The following CCDC18 variants were observed in gnomAD, a reference collection of about 807,000 sequenced individuals.
CCDC18 encodes coiled-coil domain containing 18, also known as coiled-coil domain-containing protein 18.
Under a neutral mutation model 196.0 loss-of-function variants are expected in CCDC18, and 157 were observed. The observed-to-expected ratio is 0.80, with a 90% CI of 0.70 to 0.91. The LOEUF (loss-of-function observed/expected upper bound fraction) is 0.91. CCDC18 is among the 40% of genes least tolerant of loss of function. The probability of loss-of-function intolerance (pLI) is 0.00; values close to 1 mark genes in which losing one functional copy is unlikely to be tolerated. For synonymous variants in CCDC18, 482 were observed against 529.2 expected, an observed-to-expected ratio of 0.91 and a Z score of 1.22; for missense variants, 1,465 against 1,611.6, an observed-to-expected ratio of 0.91 and a Z score of 1.56.
chr1:93,244,588 A>G (rs1346281363), intron 21 of CCDC18, among the ~76,000 whole-genome samples: 4 of 152,188 alleles, frequency 2.6e-5, no homozygotes, highest in African/African-American at 9.7e-5. Flanking sequence ...GCTAATGAGT[A>G]GGAAGTTCTT....
chr1:93,230,965 A>G (rs1326985536), intron 17 of CCDC18, among the ~76,000 whole-genome samples: 1 of 152,220 alleles, frequency 6.6e-6, no homozygotes, highest in Non-Finnish European at 1.5e-5. Context: ...ATTAAACAAA[A>G]CATATTTGCA....
chr1:93,186,335 A>G lies in CCDC18; in HGVS notation c.304-10A>G. Reference sequence around the variant, plus strand: ...ATTGAAAATATATTTGTTCTTTTTCATTCTTTCAGATGTTTTCATCTTCTG... The same window carrying G: ...ATTGAAAATATATTTGTTCTTTTTCGTTCTTTCAGATGTTTTCATCTTCTG... On this transcript the variant is annotated splice_polypyrimidine_tract_variant and intron_variant, in intron 3 of 28. Transcript: ENST00000690025. The G allele has an allele frequency of 6.2e-7, 1 of 1,605,524 alleles. No homozygotes were observed.
At chr1:93,248,207 G>A (rs577897883) in intron 23 of CCDC18, among the ~76,000 whole-genome samples, 6 of 151,524 alleles carry the variant, frequency 4.0e-5, no homozygotes, top group Admixed American at 1.3e-4. Context: ...TAGAGACGGC[G>A]TTTCACCATC....
At chr1:93,218,515 A>C (rs1656864491) in intron 14 of CCDC18, among the ~76,000 whole-genome samples, 1 of 151,360 alleles carries the variant, frequency 6.6e-6, no homozygotes, top group African/African-American at 2.4e-5. Flanking sequence ...CCTCCTTTGC[A>C]CTTTTTTTTT....
At chr1:93,225,049 G>A (rs1015842324) in intron 16 of CCDC18, among the ~76,000 whole-genome samples, 16 of 152,264 alleles carry the variant, frequency 1.1e-4, no homozygotes, top group Middle Eastern at 3.4e-3. Flanking sequence ...TTAGAAATAA[G>A]AGTGGCAAAG....
At chr1:93,260,723 C>T (rs1312142091) in intron 26 of CCDC18, among the ~76,000 whole-genome samples, 1 of 151,814 alleles carries the variant, frequency 6.6e-6, no homozygotes, top group Non-Finnish European at 1.5e-5. Context: ...TACCCATCAA[C>T]CTGTCACCTA....
chr1:93,242,381 G>T (rs999266120), intron 21 of CCDC18, among the ~76,000 whole-genome samples: 5 of 152,138 alleles, frequency 3.3e-5, no homozygotes, highest in Non-Finnish European at 5.9e-5. Context: ...CAGATCTCTT[G>T]AGACTGATTC....
intron 2 of CCDC18, 80 bp downstream of exon 2, chr1:93,183,575 A>G: frequency 9.7e-7 from 1 of 1,033,800 alleles, no homozygotes; most frequent in Non-Finnish European, 1.3e-6. Flanking sequence ...ATTATGATGT[A>G]TTGTTTCTAA....
At chr1:93,240,638 G>T (rs1660642826) in intron 21 of CCDC18, among the ~76,000 whole-genome samples, 1 of 152,124 alleles carries the variant, frequency 6.6e-6, no homozygotes, top group South Asian at 2.1e-4. Context: ...CTTCTCTTCT[G>T]TATCCACAAA....
rs865933948 is a variant in CCDC18 at position 93,216,714 on chromosome 1, G to A, written c.1798G>A (p.Ala600Thr). 1 of 1,580,846 alleles carries A rather than the reference G, an allele frequency of 6.3e-7. No individual in the cohort carries two copies. The highest frequency in any genetic ancestry group is 8.6e-7 in the Non-Finnish European group (1 of 1,164,024). ...EKIVAYSSIA[A>T]KNAELEQELM... is the part of the protein sequence containing the mutation. ...GATAGTTGCTTATTCCTCTATTGCTGCAAAAAATGCAGAACTAGAACAGGA... is the reference window on the plus strand; with the variant it reads ...GATAGTTGCTTATTCCTCTATTGCTACAAAAAATGCAGAACTAGAACAGGA... The change falls in exon 13 of 29, where the codon GCA becomes ACA. Residue 600 changes from alanine to threonine, a missense_variant. Coordinates refer to ENST00000690025, the MANE Select transcript of CCDC18 (RefSeq NM_001378204.1).
chr1:93,273,131 C>G (rs1282011610), intron 28 of CCDC18, among the ~76,000 whole-genome samples: 1 of 151,860 alleles, frequency 6.6e-6, no homozygotes, highest in Non-Finnish European at 1.5e-5. Context: ...TGCAGTGGCG[C>G]AATCTTGGCT....
chr1:93,235,568 TA>T (rs1361267124), intron 18 of CCDC18, among the ~76,000 whole-genome samples: 2 of 152,056 alleles, frequency 1.3e-5, no homozygotes, highest in African/African-American at 4.8e-5. Flanking sequence ...AGTTGGGCTA[TA>T]TATGGGAGGA....
intron 21 of CCDC18, among the ~76,000 whole-genome samples, chr1:93,244,399 CGAAT>C (rs1217949253): frequency 1.3e-5 from 2 of 152,074 alleles, no homozygotes; most frequent in African/African-American, 4.8e-5. Flanking sequence ...GTCATAAAAA[CGAAT>C]GAACTACTGA....
At chr1:93,240,969 A>T (rs1193168248) in intron 21 of CCDC18, among the ~76,000 whole-genome samples, 1 of 151,940 alleles carries the variant, frequency 6.6e-6, no homozygotes, top group African/African-American at 2.4e-5. Flanking sequence ...CAAAACATAT[A>T]TATATATTTT....
chr1:93,248,009 CTTTTTTTTTTT>C (rs71586785), intron 23 of CCDC18, among the ~76,000 whole-genome samples: 6 of 69,780 alleles, frequency 8.6e-5, no homozygotes, highest in African/African-American at 1.9e-4. Context: ...TATTTTCCTT[CTTTTTTTTTTT>C]TTTTTTTTTT....
chr1:93,248,230 G>A (rs1661765279), intron 23 of CCDC18, among the ~76,000 whole-genome samples: 1 of 151,430 alleles, frequency 6.6e-6, no homozygotes, highest in South Asian at 2.1e-4. Flanking sequence ...GGCCAGGCTG[G>A]TCTTGAACTC....
intron 26 of CCDC18, among the ~76,000 whole-genome samples, chr1:93,259,932 C>T (rs189184565): frequency 1.3e-5 from 2 of 152,178 alleles, no homozygotes; most frequent in South Asian, 2.1e-4. Context: ...TTATAAGCCA[C>T]CTGAAATTAT....
At chr1:93,197,745 CTTTTTTTTTTTTT>C (rs71094240) in intron 6 of CCDC18, among the ~76,000 whole-genome samples, 2 of 76,008 alleles carry the variant, frequency 2.6e-5, no homozygotes, top group South Asian at 5.7e-4. Flanking sequence ...CTTTTCTTTT[CTTTTTTTTTTTTT>C]TTTTTTTTTT....
chr1:93,180,557 T>C, upstream of CCDC18: 1 of 1,457,412 alleles, frequency 6.9e-7, no homozygotes, highest in Non-Finnish European at 9.2e-7. Context: ...ATGGGCATCA[T>C]GGCGGTAATT....
Sources: allele counts gnomAD v4.1 joint callset (sites outside exome capture counted in the v4.1 genomes callset), GRCh38; gene constraint gnomAD v4.1.1; transcripts MANE v1.5; gene names NCBI Gene and HGNC (gene_info 2026-07-23, HGNC 2026-07-21).